Variants in LRP1B observed in about 807,000 individuals in gnomAD.
LRP1B encodes low-density lipoprotein receptor-related protein 1B.
A neutral mutation model predicts 556.6 loss-of-function variants in LRP1B; 217 were observed. That is an observed-to-expected ratio of 0.39 (90% CI 0.35 to 0.44). The LOEUF (loss-of-function observed/expected upper bound fraction) is 0.44, where lower values mean the gene tolerates loss of function less well. LRP1B is among the 20% of genes least tolerant of loss of function. The pLI, the probability that LRP1B is intolerant of heterozygous loss-of-function variation, is 1.00. For synonymous variants in LRP1B, 2,047 were observed against 1,865.8 expected (o/e 1.10, Z -2.50); for missense variants, 5,053 against 5,620.8 (o/e 0.90, Z 3.23).
intron 4 of LRP1B, among the ~76,000 whole-genome samples, chr2:141,247,992 G>A (rs1353761811): frequency 6.6e-6 from 1 of 152,130 alleles, no homozygotes; most frequent in Non-Finnish European, 1.5e-5. Flanking sequence ...TGAATCACCT[G>A]AGGCCAGGAG....
chr2:141,648,238 T>C (rs1475112001), intron 2 of LRP1B, among the ~76,000 whole-genome samples: 4 of 152,210 alleles, frequency 2.6e-5, no homozygotes, highest in Admixed American at 2.6e-4. Flanking sequence ...ACTCCACCAT[T>C]AATTAAGCTA....
intron 11 of LRP1B, among the ~76,000 whole-genome samples, chr2:141,020,868 G>A (rs1217862836): frequency 6.6e-6 from 1 of 151,908 alleles, no homozygotes; most frequent in Non-Finnish European, 1.5e-5. Context: ...TATCATTCAC[G>A]AAGCAGTAGC....
At chr2:140,978,032 T>C (rs977832614) in intron 18 of LRP1B, among the ~76,000 whole-genome samples, 5 of 152,186 alleles carry the variant, frequency 3.3e-5, no homozygotes, top group African/African-American at 1.2e-4. Context: ...GAATATGTCT[T>C]CTCTTGTCTG....
intron 35 of LRP1B, among the ~76,000 whole-genome samples, chr2:140,719,038 A>G (rs750477128): frequency 6.6e-6 from 1 of 151,956 alleles, no homozygotes; most frequent in Non-Finnish European, 1.5e-5. Flanking sequence ...AACACATTAT[A>G]TATTTGTTGG....
At chr2:141,647,775 A>T (rs1255144540) in intron 2 of LRP1B, among the ~76,000 whole-genome samples, 2 of 151,552 alleles carry the variant, frequency 1.3e-5, no homozygotes, top group Non-Finnish European at 2.9e-5. Context: ...TGGTTTTAAC[A>T]GTCTAATATT....
At chr2:141,984,252 G>A (rs1702123142) in intron 1 of LRP1B, among the ~76,000 whole-genome samples, 1 of 151,818 alleles carries the variant, frequency 6.6e-6, no homozygotes, top group African/African-American at 2.4e-5. Context: ...TTGGTATGCT[G>A]CACCCATAAA....
chr2:141,294,652 A>G (rs1220948745), intron 3 of LRP1B, among the ~76,000 whole-genome samples: 1 of 151,196 alleles, frequency 6.6e-6, no homozygotes, highest in African/African-American at 2.4e-5. Context: ...AGGTGGGGGG[A>G]TGGCTGGAGC....
chr2:140,353,314 C>T (rs908256266), intron 75 of LRP1B, among the ~76,000 whole-genome samples: 1 of 152,024 alleles, frequency 6.6e-6, no homozygotes, highest in African/African-American at 2.4e-5. Context: ...ATTAAAGCTT[C>T]AATTTCAAAC....
chr2:140,735,116 T>G (rs767071675), intron 35 of LRP1B, among the ~76,000 whole-genome samples: 1 of 152,154 alleles, frequency 6.6e-6, no homozygotes, highest in South Asian at 2.1e-4. Flanking sequence ...CCCCCAGCAG[T>G]TGTCAAAGAG....
intron 15 of LRP1B, among the ~76,000 whole-genome samples, chr2:141,004,011 A>C (rs2105371933): frequency 6.6e-6 from 1 of 152,230 alleles, no homozygotes; most frequent in Admixed American, 6.6e-5. Context: ...CATATGTCTT[A>C]AATCTTAAAT....
chr2:141,032,031 A>G (rs935240140), intron 11 of LRP1B, among the ~76,000 whole-genome samples: 1 of 152,068 alleles, frequency 6.6e-6, no homozygotes, highest in Non-Finnish European at 1.5e-5. Context: ...ACAAATTTTA[A>G]AAGACAGTCA....
intron 35 of LRP1B, among the ~76,000 whole-genome samples, chr2:140,744,873 T>C (rs1032625009): frequency 1.3e-5 from 2 of 152,140 alleles, no homozygotes; most frequent in Non-Finnish European, 2.9e-5. Context: ...TGCCAATTTT[T>C]TTTCCTGCTG....
Position 140,984,187 on chromosome 2 carries a change from T to C in LRP1B, c.2771-1911A>G, listed in dbSNP as rs1342417998. Reference sequence around the variant, plus strand: ...TAATAATTTTTCCCTTACATATCTCTGTTTCACTGGTTACAATAAATACCT... The same window carrying C: ...TAATAATTTTTCCCTTACATATCTCCGTTTCACTGGTTACAATAAATACCT... On this transcript the variant is annotated intron_variant, in intron 17 of 90. Transcript: ENST00000389484. 2.0e-5 allele frequency among the ~76,000 whole-genome samples: 3 copies of C among 151,954 alleles called. No homozygotes were observed. In the East Asian group the frequency reaches 5.8e-4, roughly 29 times the overall value.
chr2:140,605,685 CTT>C (rs1361849006), intron 41 of LRP1B, among the ~76,000 whole-genome samples: 2 of 151,568 alleles, frequency 1.3e-5, no homozygotes, highest in African/African-American at 4.8e-5. Context: ...CCCTCCCTCC[CTT>C]TTTTCTTTCT....
chr2:141,300,336 C>T (rs1020247797), intron 3 of LRP1B, among the ~76,000 whole-genome samples: 3 of 152,040 alleles, frequency 2.0e-5, no homozygotes, highest in South Asian at 2.1e-4. Flanking sequence ...TTTTAACCCT[C>T]GATTCATAGT....
chr2:141,720,342 CAT>C (rs1692767934), intron 2 of LRP1B, among the ~76,000 whole-genome samples: 1 of 152,066 alleles, frequency 6.6e-6, no homozygotes, highest in Admixed American at 6.5e-5. Flanking sequence ...AACTTTGTAA[CAT>C]ATGTCACTGA....
rs200282280 is a variant in LRP1B at position 140,960,159 on chromosome 2, T to TGCTC, written c.2888-8220_2888-8219insGAGC. Among the ~76,000 whole-genome samples the TGCTC allele has an allele frequency of 5.6e-3, 843 of 151,866 alleles. 20 individuals carry two copies. Among genetic ancestry groups the TGCTC allele is most frequent in the South Asian group, 0.053 (254 of 4,820 alleles). On this transcript the variant is annotated intron_variant, in intron 18 of 90. Transcript: ENST00000389484. ...TCTGATATCTTGACTCTGCTCAGGC[T>TGCTC]ACCCAGGCAATTGCCTTTTATTTTT...
chr2:140,711,444 C>T (rs1405607951), intron 37 of LRP1B, among the ~76,000 whole-genome samples: 1 of 152,062 alleles, frequency 6.6e-6, no homozygotes, highest in Non-Finnish European at 1.5e-5. Flanking sequence ...TGACTTCCCA[C>T]TATTCCATCA....
chr2:141,255,569 A>G (rs1684429659), intron 3 of LRP1B, among the ~76,000 whole-genome samples: 2 of 152,112 alleles, frequency 1.3e-5, no homozygotes, highest in South Asian at 4.1e-4. Flanking sequence ...GTAGTTATCT[A>G]TAGTATATCC....
Sources: gnomAD v4.1 joint callset for allele counts (sites outside exome capture counted in the v4.1 genomes callset) on GRCh38, gnomAD v4.1.1 for gene constraint, MANE v1.5 for transcripts, NCBI Gene and HGNC (gene_info 2026-07-23, HGNC 2026-07-21) for gene names.